Variants in PDS5B observed in about 807,000 individuals in gnomAD.
The protein encoded by PDS5B is PDS5 cohesin associated factor B, also known as sister chromatid cohesion protein PDS5 homolog B.
In PDS5B, 51 loss-of-function variants were observed where a neutral mutation model predicts 184.1. That is an observed-to-expected ratio of 0.28 (90% CI 0.22 to 0.35). The LOEUF (loss-of-function observed/expected upper bound fraction) is 0.35. Ranked by LOEUF, PDS5B falls within the 10% of genes least tolerant of loss-of-function variation. The pLI is 1.00. For synonymous variants in PDS5B, 566 were observed against 569.2 expected, an observed-to-expected ratio of 0.99 and a Z score of 0.08; for missense variants, 1,180 against 1,723.3, an observed-to-expected ratio of 0.68 and a Z score of 5.58.
chr13:32,704,631 C>T (rs1284034310), intron 17 of PDS5B, among the ~76,000 whole-genome samples: 2 of 152,224 alleles, frequency 1.3e-5, no homozygotes, highest in African/African-American at 4.8e-5. Flanking sequence ...TAAATTCTTA[C>T]ATGGTTTGGA....
At chr13:32,724,591 T>G (rs1471906411) in intron 19 of PDS5B, among the ~76,000 whole-genome samples, 1 of 152,120 alleles carries the variant, frequency 6.6e-6, no homozygotes. Flanking sequence ...GTTGTTTGTT[T>G]TGATTTTTTT....
chr13:32,677,330 T>C (rs530097889), intron 9 of PDS5B, among the ~76,000 whole-genome samples: 143 of 152,184 alleles, frequency 9.4e-4, no homozygotes, highest in African/African-American at 3.3e-3. Flanking sequence ...ATTTATTATA[T>C]CTTTAAATTA....
intron 1 of PDS5B, among the ~76,000 whole-genome samples, chr13:32,627,567 T>C (rs2058388785): frequency 6.6e-6 from 1 of 152,206 alleles, no homozygotes; most frequent in Non-Finnish European, 1.5e-5. Flanking sequence ...AACCATTTTC[T>C]TTATTGCAGT....
In PDS5B at chr13:32,642,598, C is replaced by T. The variant is rs544078165; in HGVS notation, c.-19-6156C>T. Among the ~76,000 whole-genome samples the T allele has an allele frequency of 7.2e-5, 11 of 152,220 alleles. No individual in the cohort carries two copies. The East Asian group carries it at 2.1e-3, about 29-fold the overall frequency. The stretch of plus-strand genomic sequence containing the variant: ...ATATTCACAGAGGTGTTTCAAACCT[C>T]TCCTTACAATGCTGTTCATAAGACT... On this transcript the variant is annotated intron_variant, in intron 1 of 34. Transcript: ENST00000315596.
At chr13:32,755,779 T>G in intron 25 of PDS5B, 63 bp from the exon 26 acceptor site, 1 of 782,208 alleles carries the variant, frequency 1.3e-6, no homozygotes, top group South Asian at 2.0e-5. Context: ...ATATTTTTGT[T>G]TTGTTTTGTT....
At chr13:32,655,375 T>TATATATGTATATATACATA in intron 3 of PDS5B, among the ~76,000 whole-genome samples, 1 of 50,950 alleles carries the variant, frequency 2.0e-5, no homozygotes, top group Non-Finnish European at 3.1e-5. Context: ...TATATATATA[T>TATATATGTATATATACATA]TTTTTTTTTT....
intron 19 of PDS5B, among the ~76,000 whole-genome samples, chr13:32,721,497 G>T (rs534768073): frequency 2.0e-5 from 3 of 151,438 alleles, no homozygotes; most frequent in Non-Finnish European, 4.4e-5. Context: ...GGTCGTGGCC[G>T]GGCAGAGGCG....
intron 23 of PDS5B, 32 bp from the exon 24 acceptor site, chr13:32,745,945 G>C: frequency 6.5e-7 from 1 of 1,546,010 alleles, no homozygotes; most frequent in Non-Finnish European, 8.9e-7. Flanking sequence ...TATTTTAAAT[G>C]CTAATCTATA....
intron 1 of PDS5B, among the ~76,000 whole-genome samples, chr13:32,636,343 CA>C (rs1171659009): frequency 6.6e-5 from 10 of 152,176 alleles, no homozygotes; most frequent in Admixed American, 6.5e-4. Context: ...TATGAAGTAT[CA>C]GAAATGCTTA....
chr13:32,590,646 T>G (rs1203588087), intron 1 of PDS5B, among the ~76,000 whole-genome samples: 1 of 152,208 alleles, frequency 6.6e-6, no homozygotes, highest in Non-Finnish European at 1.5e-5. Context: ...AATGAGATTT[T>G]GTGTTTCCTT....
chr13:32,716,828 T>A (rs1183787469), intron 19 of PDS5B, among the ~76,000 whole-genome samples: 1 of 81,328 alleles, frequency 1.2e-5, no homozygotes, highest in Admixed American at 1.3e-4. Context: ...AGCCGCCCTG[T>A]CTGGGAGGGA....
At chr13:32,693,281 A>G (rs1016918538) in intron 13 of PDS5B, among the ~76,000 whole-genome samples, 11 of 151,990 alleles carry the variant, frequency 7.2e-5, no homozygotes, top group African/African-American at 2.4e-4. Flanking sequence ...TTCTAAGATG[A>G]AAATGTCCTA....
intron 1 of PDS5B, among the ~76,000 whole-genome samples, chr13:32,613,316 C>G (rs980026955): frequency 6.6e-6 from 1 of 152,218 alleles, no homozygotes; most frequent in Non-Finnish European, 1.5e-5. Flanking sequence ...AAAAGCCAGA[C>G]TGTTTTCCAG....
chr13:32,749,732 G>A (rs1201208871), intron 24 of PDS5B, among the ~76,000 whole-genome samples: 4 of 151,950 alleles, frequency 2.6e-5, no homozygotes, highest in African/African-American at 7.2e-5. Context: ...GAGATACTTT[G>A]TACTAGAAAA....
At chr13:32,760,941 A>G (rs529362359) in intron 30 of PDS5B, among the ~76,000 whole-genome samples, 5 of 152,286 alleles carry the variant, frequency 3.3e-5, no homozygotes, top group African/African-American at 1.2e-4. Flanking sequence ...TGTTGGGGGT[A>G]ATCTGTGTTA....
chr13:32,711,271 T>C (rs563991069), intron 19 of PDS5B, among the ~76,000 whole-genome samples: 1 of 152,026 alleles, frequency 6.6e-6, no homozygotes, highest in Non-Finnish European at 1.5e-5. Context: ...ATTACAGACA[T>C]GAGCCAGCGT....
intron 25 of PDS5B, among the ~76,000 whole-genome samples, chr13:32,754,577 C>T (rs901940252): frequency 1.6e-5 from 2 of 126,696 alleles, no homozygotes; most frequent in African/African-American, 5.4e-5. Flanking sequence ...CACTGTGACC[C>T]TCTTTCTTTT....
rs1474579534 is a variant in PDS5B at position 32,746,106 on chromosome 13, G to C, written c.2736+6G>C. 6.2e-7 allele frequency: 1 copy of C among 1,610,334 alleles called. No individual in the cohort carries two copies. ...TATGTGCATTAGCTATCAACGTAAG[G>C]AAATGGCTGTGTACAACTACTTTTT... On this transcript the variant is annotated splice_donor_region_variant and intron_variant, in intron 24 of 34. Coordinates refer to ENST00000315596, the MANE Select transcript of PDS5B (RefSeq NM_015032.4).
At chr13:32,699,076 C>T (rs1489624379) in intron 15 of PDS5B, among the ~76,000 whole-genome samples, 1 of 152,162 alleles carries the variant, frequency 6.6e-6, no homozygotes, top group African/African-American at 2.4e-5. Context: ...GTCTGGCTCT[C>T]TGCAACAGTT....
Sources: gnomAD v4.1 joint callset for allele counts (sites outside exome capture counted in the v4.1 genomes callset) on GRCh38, gnomAD v4.1.1 for gene constraint, MANE v1.5 for transcripts, NCBI Gene and HGNC (gene_info 2026-07-23, HGNC 2026-07-21) for gene names.